The following ZC3H7B variants were observed in gnomAD, a reference collection of about 807,000 sequenced individuals.
ZC3H7B encodes the protein zinc finger CCCH domain-containing protein 7B.
A neutral mutation model predicts 116.0 loss-of-function variants in ZC3H7B; 35 were observed. That is an observed-to-expected ratio of 0.30 (90% CI 0.23 to 0.40). The LOEUF (loss-of-function observed/expected upper bound fraction) is 0.40, where lower values mean the gene tolerates loss of function less well. Among genes scored for constraint, ZC3H7B ranks in the 10% least tolerant of loss-of-function variants. The pLI is 1.00. For synonymous variants in ZC3H7B, 502 were observed against 545.6 expected, an observed-to-expected ratio of 0.92 and a Z score of 1.11; for missense variants, 1,011 against 1,321.5, an observed-to-expected ratio of 0.77 and a Z score of 3.64.
Position 41,338,270 on chromosome 22 carries a change from G to A in ZC3H7B, c.583-43G>A. The A allele has an allele frequency of 6.2e-7, 1 of 1,603,712 alleles. No individual in the cohort carries two copies. Among genetic ancestry groups the A allele is most frequent in the Non-Finnish European group, 8.5e-7 (1 of 1,174,542 alleles). ...GGGCTGGTGCTGGGTGCTGGGATCG[G>A]GGCCTTCCCAGCCACAGCGCCACTG... On this transcript the variant is annotated intron_variant, in intron 7 of 22. Coordinates refer to ENST00000352645, the MANE Select transcript of ZC3H7B (RefSeq NM_017590.6). This position sits in a 1 kb window ranked among gnomAD's most constrained non-coding sequence, Gnocchi z 4.5.
intron 9 of ZC3H7B, 92 bp downstream of exon 9, chr22:41,339,283 A>C: frequency 3.6e-5 from 52 of 1,442,090 alleles, no homozygotes; most frequent in Non-Finnish European, 4.5e-5. Flanking sequence ...CCCAATGCTC[A>C]TGTCATGTGT....
chr22:41,305,014 C>G (rs936280494), intron 1 of ZC3H7B, among the ~76,000 whole-genome samples: 1 of 152,128 alleles, frequency 6.6e-6, no homozygotes, highest in Non-Finnish European at 1.5e-5. Context: ...GAGTTCGAGA[C>G]CAGACCTGGC....
chr22:41,315,933 T>TC (rs1195507387), intron 1 of ZC3H7B, among the ~76,000 whole-genome samples: 1 of 151,770 alleles, frequency 6.6e-6, no homozygotes, highest in Non-Finnish European at 1.5e-5. Context: ...CTACCCTTCA[T>TC]CCCCCCAAAT....
At chr22:41,348,674 C>T (rs745642048) in intron 15 of ZC3H7B, among the ~76,000 whole-genome samples, 10 of 152,194 alleles carry the variant, frequency 6.6e-5, no homozygotes, top group East Asian at 1.9e-4. Context: ...AGACCTGGGT[C>T]CAATTCCTGG....
intron 2 of ZC3H7B, 129 bp downstream of exon 2, chr22:41,320,842 G>C (rs1601770459): frequency 7.9e-7 from 1 of 1,262,236 alleles, no homozygotes; most frequent in East Asian, 2.5e-5. Context: ...TGTGCGCTGG[G>C]GTGCGGGCAG....
Position 41,302,610 on chromosome 22 carries a change from C to G in ZC3H7B, c.-7+838C>G, listed in dbSNP as rs1262701167. ...CCTGCCCGCTGCGAACCTCAGGGCC[C>G]CCCTCCGGGTTTGCTCCCTCCTCCT... is the stretch of plus-strand genomic sequence containing the variant. On this transcript the variant is annotated intron_variant, in intron 1 of 22. Transcript: ENST00000352645. This position sits in a 1 kb window ranked among gnomAD's most constrained non-coding sequence, Gnocchi z 5.7. 1.3e-5 allele frequency among the ~76,000 whole-genome samples: 2 copies of G among 152,222 alleles called. No homozygotes were observed. The highest frequency in any genetic ancestry group is 2.9e-5 in the Non-Finnish European group (2 of 68,030).
chr22:41,316,059 T>G (rs986123655), intron 1 of ZC3H7B, among the ~76,000 whole-genome samples: 2 of 151,782 alleles, frequency 1.3e-5, no homozygotes, highest in South Asian at 4.2e-4. Flanking sequence ...AATGGCGCTA[T>G]CTCGGCTCAC....
At chr22:41,340,693 C>T (rs867766977) in intron 10 of ZC3H7B, among the ~76,000 whole-genome samples, 1 of 152,116 alleles carries the variant, frequency 6.6e-6, no homozygotes, top group Non-Finnish European at 1.5e-5. Context: ...GATGACTAGG[C>T]AGGGTCTTGA....
intron 17 of ZC3H7B, 114 bp from the exon 18 acceptor site, chr22:41,355,355 T>C (rs2145944439): frequency 6.9e-7 from 1 of 1,451,808 alleles, no homozygotes; most frequent in Non-Finnish European, 9.3e-7. Context: ...CAGGAAGACC[T>C]GGGAGCAGAC....
chr22:41,320,088 C>A (rs2036235599), intron 1 of ZC3H7B, among the ~76,000 whole-genome samples: 1 of 147,134 alleles, frequency 6.8e-6, no homozygotes, highest in African/African-American at 2.6e-5. Flanking sequence ...ATCCCCGCAC[C>A]TTGGGAGGCT....
In ZC3H7B at chr22:41,340,993, T is replaced by C; in HGVS notation, c.1139-95T>C. 2.4e-6 allele frequency: 3 copies of C among 1,244,364 alleles called. No individual in the cohort carries two copies. In the South Asian group the frequency reaches 3.9e-5, roughly 16 times the overall value. The allele number at this position is 1,244,364 out of a possible 1,614,324, so 77.1% of individuals were successfully genotyped here. The stretch of plus-strand genomic sequence containing the variant: ...AGGAGAGGATGTGTGGCCTGGGGGC[T>C]TCTCCGAGTCAGCAATACATAAGGG... On this transcript the variant is annotated intron_variant, in intron 10 of 22. Coordinates refer to ENST00000352645, the MANE Select transcript of ZC3H7B (RefSeq NM_017590.6).
chr22:41,321,829 CTT>C (rs199611879), intron 2 of ZC3H7B, among the ~76,000 whole-genome samples: 3 of 90,974 alleles, frequency 3.3e-5, no homozygotes, highest in African/African-American at 1.1e-4. Context: ...AACTCACATT[CTT>C]TTTTTTTTTT....
intron 1 of ZC3H7B, among the ~76,000 whole-genome samples, chr22:41,303,149 C>G (rs907578275): frequency 3.3e-5 from 5 of 152,310 alleles, no homozygotes; most frequent in Admixed American, 2.0e-4. Flanking sequence ...GTGTCCACCT[C>G]CCACAGAAGT....
At chr22:41,325,699 C>T (rs1179145379) in intron 3 of ZC3H7B, 22 bp from the exon 4 acceptor site, 2 of 1,609,770 alleles carry the variant, frequency 1.2e-6, no homozygotes, top group South Asian at 1.1e-5. Flanking sequence ...CATGAGCCCC[C>T]TACACACCTT....
intron 7 of ZC3H7B, among the ~76,000 whole-genome samples, chr22:41,337,035 C>G (rs2036456835): frequency 6.6e-6 from 1 of 152,110 alleles, no homozygotes. Flanking sequence ...ACTTGGGAGG[C>G]TGAGGCAGGA....
chr22:41,355,573 C>T lies in ZC3H7B; in HGVS notation c.2139C>T (p.Leu713=). ...NGQVVEPDKD[L]KYCSAKARHC... is the part of the protein sequence containing the mutation. ...AGGTGGTGGAGCCTGACAAGGACCT[C>T]AAGTACTGTAGTGCCAAGGCCCGGC... Residue 713 remains leucine, a synonymous_variant, in exon 18 of 23, where the codon CTC becomes CTT. Coordinates refer to ENST00000352645, the MANE Select transcript of ZC3H7B (RefSeq NM_017590.6). 6.2e-7 allele frequency: 1 copy of T among 1,614,142 alleles called. No individual in the cohort carries two copies. The highest frequency in any genetic ancestry group is 8.5e-7 in the Non-Finnish European group (1 of 1,180,014).
intron 1 of ZC3H7B, among the ~76,000 whole-genome samples, chr22:41,304,215 G>GTTTC (rs901462896): frequency 2.9e-4 from 44 of 151,796 alleles, no homozygotes; most frequent in Non-Finnish European, 5.2e-4. Flanking sequence ...GCTGCTGCAA[G>GTTTC]TTTCTTTCTT....
chr22:41,342,847 A>G lies in ZC3H7B; in HGVS notation c.1297+219A>G, dbSNP rs1394220721. 3.9e-5 allele frequency among the ~76,000 whole-genome samples: 6 copies of G among 152,326 alleles called. No homozygotes were observed. In the South Asian group the frequency reaches 1.2e-3, roughly 32 times the overall value. ...TTTCTAGAGAAACACTAACATGGTCAGACTCACTAGAGAGTGAGGACGGTG... is the reference window on the plus strand; with the variant it reads ...TTTCTAGAGAAACACTAACATGGTCGGACTCACTAGAGAGTGAGGACGGTG... On this transcript the variant is annotated intron_variant, in intron 12 of 22. Coordinates refer to ENST00000352645, the MANE Select transcript of ZC3H7B (RefSeq NM_017590.6).
chr22:41,312,776 T>C (rs1057495428), intron 1 of ZC3H7B, among the ~76,000 whole-genome samples: 1 of 151,872 alleles, frequency 6.6e-6, no homozygotes, highest in African/African-American at 2.4e-5. Flanking sequence ...CCAAGCGTGA[T>C]GGTGCGTGCC....
Sources: gnomAD v4.1 joint callset for allele counts (sites outside exome capture counted in the v4.1 genomes callset) on GRCh38, gnomAD v4.1.1 for gene constraint, Gnocchi (gnomAD v3.1) non-coding constraint, MANE v1.5 for transcripts, NCBI Gene and HGNC (gene_info 2026-07-23, HGNC 2026-07-21) for gene names.